C3orf20: variants seen among roughly 807,000 people sequenced by gnomAD.
The protein encoded by C3orf20 is family with sequence similarity 149 member C.
Under a neutral mutation model 88.3 loss-of-function variants are expected in C3orf20, and 76 were observed. The ratio of observed to expected loss-of-function variants is 0.86; its 90% CI spans 0.72 to 1.04. C3orf20 has a LOEUF of 1.04. Ranked by LOEUF, C3orf20 falls within the 50% of genes least tolerant of loss-of-function variation. C3orf20 has a pLI of 0.00. For synonymous variants in C3orf20, 436 were observed against 437.4 expected, an observed-to-expected ratio of 1.00 and a Z score of 0.04; for missense variants, 1,056 against 1,123.3, an observed-to-expected ratio of 0.94 and a Z score of 0.86.
intron 12 of C3orf20, among the ~76,000 whole-genome samples, chr3:14,752,993 T>C (rs1210000512): frequency 2.0e-5 from 3 of 152,228 alleles, no homozygotes; most frequent in Non-Finnish European, 4.4e-5. Context: ...ACTGGGTATA[T>C]ACCCAAAGGA....
intron 12 of C3orf20, among the ~76,000 whole-genome samples, chr3:14,737,384 C>CT (rs1217798010): frequency 6.6e-6 from 1 of 152,150 alleles, no homozygotes; most frequent in Non-Finnish European, 1.5e-5. Context: ...TTCCAGACCA[C>CT]TACAATAAAG....
intron 6 of C3orf20, among the ~76,000 whole-genome samples, 187 bp downstream of exon 6, chr3:14,703,449 A>T (rs2033362365): frequency 6.6e-6 from 1 of 152,234 alleles, no homozygotes; most frequent in African/African-American, 2.4e-5. Flanking sequence ...AGGCACACAC[A>T]CACCCGTGTC....
Position 14,704,333 on chromosome 3 carries a change from G to C in C3orf20, c.879-4G>C. 6.2e-7 allele frequency: 1 copy of C among 1,613,956 alleles called. No homozygotes were observed. Among genetic ancestry groups the C allele is most frequent in the Non-Finnish European group, 8.5e-7 (1 of 1,179,950 alleles). On this transcript the variant is annotated splice_region_variant and splice_polypyrimidine_tract_variant and intron_variant, in intron 6 of 16. Coordinates refer to ENST00000253697, the MANE Select transcript of C3orf20 (RefSeq NM_032137.5). ...AGACAATATATTGCTCTCCTTCTCT[G>C]CAGAGAAGCTGAAAGGGCCACATGG...
intron 5 of C3orf20, among the ~76,000 whole-genome samples, chr3:14,698,085 T>G (rs1019644597): frequency 6.6e-6 from 1 of 152,210 alleles, no homozygotes; most frequent in African/African-American, 2.4e-5. Context: ...GTAATGGGAT[T>G]GCTGGGTCAA....
At chr3:14,685,861 T>G (rs2032391846) in intron 4 of C3orf20, among the ~76,000 whole-genome samples, 3 of 138,820 alleles carry the variant, frequency 2.2e-5, no homozygotes, top group African/African-American at 8.1e-5. Context: ...ATTTCCTTTT[T>G]TTTTTTTTTT....
chr3:14,721,509 C>A, intron 9 of C3orf20, 144 bp from the exon 10 acceptor site: 3 of 1,192,906 alleles, frequency 2.5e-6, no homozygotes, highest in Non-Finnish European at 3.5e-6. Flanking sequence ...CTCCATGAAG[C>A]GGAATTCTAA....
chr3:14,769,941 A>AGAAT (rs146053062), intron 15 of C3orf20, among the ~76,000 whole-genome samples: 6,784 of 152,234 alleles, frequency 0.045, 494 homozygotes, highest in African/African-American at 0.15. Flanking sequence ...AATGAAAGAA[A>AGAAT]GAATGAAATG....
chr3:14,720,006 TTTTTGTTTTG>T (rs148543311), intron 9 of C3orf20, among the ~76,000 whole-genome samples: 2 of 151,090 alleles, frequency 1.3e-5, no homozygotes, highest in Non-Finnish European at 3.0e-5. Flanking sequence ...TTTTTTTGTT[TTTTTGTTTTG>T]TTTTGTTTTG....
intron 15 of C3orf20, among the ~76,000 whole-genome samples, chr3:14,762,652 C>T (rs139174844): frequency 3.9e-5 from 6 of 152,114 alleles, no homozygotes; most frequent in Admixed American, 2.0e-4. Flanking sequence ...AAAGTGTGTT[C>T]GTTAAAGAGC....
chr3:14,761,747 G>T, intron 15 of C3orf20, 132 bp downstream of exon 15: 1 of 799,720 alleles, frequency 1.3e-6, no homozygotes, highest in Non-Finnish European at 1.9e-6. Context: ...AGGGGGGCTG[G>T]AGGTGGGAAG....
intron 12 of C3orf20, among the ~76,000 whole-genome samples, chr3:14,734,938 C>T (rs2034658395): frequency 6.6e-6 from 1 of 151,904 alleles, no homozygotes; most frequent in South Asian, 2.1e-4. Context: ...ATTAAGAACT[C>T]TCTTTATCTC....
At chr3:14,699,271 G>T (rs1237603311) in intron 5 of C3orf20, among the ~76,000 whole-genome samples, 1 of 152,224 alleles carries the variant, frequency 6.6e-6, no homozygotes, top group East Asian at 1.9e-4. Flanking sequence ...TACATAAGGT[G>T]CAAGACGAAG....
At chr3:14,732,172 G>C (rs2034556680) in intron 12 of C3orf20, among the ~76,000 whole-genome samples, 2 of 152,266 alleles carry the variant, frequency 1.3e-5, no homozygotes, top group East Asian at 3.9e-4. Context: ...GTTGGGGTTT[G>C]GTTTTTTGCC....
Position 14,684,357 on chromosome 3 carries a change from C to T in C3orf20, c.600C>T (p.Gly200=). The T allele has an allele frequency of 6.2e-7, 1 of 1,614,116 alleles. No individual in the cohort carries two copies. The part of the protein sequence containing the change: ...NCLISTAGRS[G]YSSGQLWKES... ...TGATCAGCACAGCCGGGAGAAGTGG[C>T]TACAGCAGCGGACAGTTGTGGAAAG... The change falls in exon 4 of 17, where the codon GGC becomes GGT. Residue 200 remains glycine (G), a synonymous_variant. Coordinates refer to ENST00000253697, the MANE Select transcript of C3orf20 (RefSeq NM_032137.5).
At chr3:14,687,494 G>C (rs542996030) in intron 4 of C3orf20, among the ~76,000 whole-genome samples, 37 of 152,278 alleles carry the variant, frequency 2.4e-4, no homozygotes, top group African/African-American at 8.4e-4. Flanking sequence ...GTAATTATTT[G>C]TGCAGGTGGT....
Position 14,772,648 on chromosome 3 carries a change from G to C in C3orf20, c.2631-143G>C. On this transcript the variant is annotated intron_variant, in intron 16 of 16. Coordinates refer to ENST00000253697, the MANE Select transcript of C3orf20 (RefSeq NM_032137.5). This position sits in a 1 kb window ranked among gnomAD's most constrained non-coding sequence, Gnocchi z 4.2. ...ATGTAGAAAGGTCGCAGGTGCCACCGGGGCCCTCTGGTTGGAACAGCACCC... is the reference window on the plus strand; with the variant it reads ...ATGTAGAAAGGTCGCAGGTGCCACCCGGGCCCTCTGGTTGGAACAGCACCC... 1.6e-6 allele frequency: 1 copy of C among 640,544 alleles called. No homozygotes were observed. Among genetic ancestry groups the C allele is most frequent in the Non-Finnish European group, 2.8e-6 (1 of 360,444 alleles). 39.7% of individuals were successfully genotyped at this position (640,544 alleles called of 1,614,324 possible).
Position 14,761,506 on chromosome 3 carries a change from C to T in C3orf20, c.2386C>T (p.Arg796Cys), listed in dbSNP as rs190398751. 327 of 1,613,868 alleles carry T rather than the reference C, an allele frequency of 2.0e-4. 2 individuals carry two copies. Among genetic ancestry groups the T allele is most frequent in the South Asian group, 4.8e-4 (44 of 91,068 alleles). Residue 796 changes from arginine (R) to cysteine (C), a missense_variant, in exon 15 of 17, where the codon CGT becomes TGT. By Grantham distance (180) the Arg-to-Cys change is radical (BLOSUM62 -3). Coordinates refer to ENST00000253697, the MANE Select transcript of C3orf20 (RefSeq NM_032137.5). ...FAGGKLIFGG[R>C]VLNGYGLSKQ... ...CGGGGGGAAGCTCATTTTTGGGGGC[C>T]GTGTTTTGAATGGATATGGCCTCAG... is the stretch of plus-strand genomic sequence containing the variant.
intron 10 of C3orf20, among the ~76,000 whole-genome samples, chr3:14,722,838 A>T (rs1215318835): frequency 6.6e-6 from 1 of 152,202 alleles, no homozygotes; most frequent in African/African-American, 2.4e-5. Flanking sequence ...GGTGATGTCA[A>T]GTCAACATCA....
rs780466584 is a variant in C3orf20 at position 14,683,146 on chromosome 3, C to G, written c.433C>G (p.Leu145Val). 6 of 1,612,752 alleles carry G rather than the reference C, an allele frequency of 3.7e-6. No individual in the cohort carries two copies. The highest frequency in any genetic ancestry group is 1.7e-4 in the Middle Eastern group (1 of 6,050). Residue 145 changes from leucine to valine, a missense_variant, in exon 3 of 17, where the codon CTG becomes GTG. Leu to Val is a conservative substitution (Grantham distance 32). Coordinates refer to ENST00000253697, the MANE Select transcript of C3orf20 (RefSeq NM_032137.5). ...GTTTCAGCAGCAGTCCATCCACCTG[C>G]TGACGGAGCTCCTCAGACTGAAGAT... Reference protein sequence around the residue: ...NRFQQQSIHLLTELLRLKMKA... With the variant: ...NRFQQQSIHLVTELLRLKMKA...
Sources: allele counts gnomAD v4.1 joint callset (sites outside exome capture counted in the v4.1 genomes callset), GRCh38; gene constraint gnomAD v4.1.1; non-coding constraint Gnocchi (gnomAD v3.1); transcripts MANE v1.5; gene names NCBI Gene and HGNC (gene_info 2026-07-23, HGNC 2026-07-21).